Variants in GRIP1 observed in about 807,000 individuals in gnomAD.
GRIP1 encodes the protein glutamate receptor interacting protein 1.
Under a neutral mutation model 129.9 loss-of-function variants are expected in GRIP1, and 45 were observed. The observed-to-expected ratio is 0.35, with a 90% confidence interval of 0.27 to 0.44. GRIP1 has a LOEUF of 0.44. Ranked by LOEUF, GRIP1 falls within the 20% of genes least tolerant of loss-of-function variation. The pLI is 1.00. For missense variants in GRIP1, 1,196 were observed against 1,396.8 expected (o/e 0.86, Z 2.29); for synonymous variants, 530 against 520.8 (o/e 1.02, Z -0.24).
intron 1 of GRIP1, among the ~76,000 whole-genome samples, chr12:66,996,785 C>T (rs1039551879): frequency 6.6e-6 from 1 of 152,178 alleles, no homozygotes; most frequent in Non-Finnish European, 1.5e-5. Flanking sequence ...CCCCCTCACC[C>T]TTTCACTTAT....
rs375275696 is a variant in GRIP1, at chr12:66,702,431, A to C, written c.-419-72095T>G. On this transcript the variant is annotated intron_variant, in intron 1 of 4. Coordinates refer to the GRIP1 transcript ENST00000538373. ...GTTTTCAGTCAGTTTAAATACCTAG[A>C]GTTCTGCTTTCAAGGTAATAGTTTT... Among the ~76,000 whole-genome samples the C allele has an allele frequency of 3.3e-5, 5 of 152,274 alleles. 1 individual carries two copies. The highest frequency in any genetic ancestry group is 9.6e-5 in the African/African-American group (4 of 41,558).
chr12:66,818,493 T>C (rs936400605), intron 1 of GRIP1, among the ~76,000 whole-genome samples: 1 of 152,216 alleles, frequency 6.6e-6, no homozygotes, highest in Non-Finnish European at 1.5e-5. Flanking sequence ...ATTTGCCTGT[T>C]CATTCTTTCA....
At chr12:66,905,145 AT>A (rs1264070462) in intron 1 of GRIP1, among the ~76,000 whole-genome samples, 1 of 152,242 alleles carries the variant, frequency 6.6e-6, no homozygotes, top group Non-Finnish European at 1.5e-5. Context: ...ATTGTAATAT[AT>A]AAACAAATGG....
intron 1 of GRIP1, among the ~76,000 whole-genome samples, chr12:66,712,416 A>G (rs1412344514): frequency 2.0e-5 from 3 of 151,970 alleles, no homozygotes; most frequent in Non-Finnish European, 4.4e-5. Flanking sequence ...GTATGTTCAC[A>G]TGGCTCAGGT....
At chr12:66,760,811 T>C (rs2037451458) in intron 1 of GRIP1, among the ~76,000 whole-genome samples, 1 of 152,134 alleles carries the variant, frequency 6.6e-6, no homozygotes, top group Admixed American at 6.5e-5. Flanking sequence ...TCTGGAACTT[T>C]TCTCAGATCA....
At position 66,691,804 on chromosome 12, in the gene GRIP1, C is replaced by T. The variant is rs140302252; in HGVS notation, c.-419-61468G>A. On this transcript the variant is annotated intron_variant, in intron 1 of 4. Coordinates refer to the GRIP1 transcript ENST00000538373. ...ACTTGTTTGCGTAGGGAAATGCAGGCGCTTAATTGATCAAAAGGGACTCAC... is the reference window on the plus strand; with the variant it reads ...ACTTGTTTGCGTAGGGAAATGCAGGTGCTTAATTGATCAAAAGGGACTCAC... Among the ~76,000 whole-genome samples the T allele has an allele frequency of 4.5e-3, 680 of 152,114 alleles. 13 individuals carry two copies. In the South Asian group the frequency reaches 0.055, roughly 12 times the overall value.
chr12:66,811,199 T>C (rs866343038), intron 1 of GRIP1, among the ~76,000 whole-genome samples: 4 of 152,346 alleles, frequency 2.6e-5, no homozygotes, highest in Middle Eastern at 3.4e-3. Flanking sequence ...TTTTCTACTT[T>C]TTTTCTACCA....
chr12:67,025,606 T>C (rs12303031), intron 1 of GRIP1, among the ~76,000 whole-genome samples: 3,569 of 152,268 alleles, frequency 0.023, 135 homozygotes, highest in African/African-American at 0.081. Context: ...TTACCTTTAG[T>C]ATCTCCTCAT....
chr12:66,953,808 A>G (rs536552937), intron 1 of GRIP1, among the ~76,000 whole-genome samples: 2 of 152,272 alleles, frequency 1.3e-5, no homozygotes, highest in Non-Finnish European at 2.9e-5. Flanking sequence ...CAGCTACTAA[A>G]TGACAAGCCA....
intron 1 of GRIP1, among the ~76,000 whole-genome samples, chr12:66,620,565 A>T (rs536538293): frequency 4.3e-4 from 65 of 152,254 alleles, no homozygotes; most frequent in African/African-American, 1.5e-3. Flanking sequence ...AACAATAAAC[A>T]TGGCTAAGAA....
intron 1 of GRIP1, among the ~76,000 whole-genome samples, chr12:66,992,582 A>G (rs375028658): frequency 1.3e-5 from 2 of 152,200 alleles, no homozygotes; most frequent in African/African-American, 4.8e-5. Flanking sequence ...TATCTATAGA[A>G]CACTCTGCCC....
chr12:66,579,098 T>A (rs1257815683), intron 2 of GRIP1, among the ~76,000 whole-genome samples: 1 of 152,120 alleles, frequency 6.6e-6, no homozygotes, highest in African/African-American at 2.4e-5. Context: ...CATTCACGGT[T>A]CACGAAAAAC....
intron 7 of GRIP1, among the ~76,000 whole-genome samples, chr12:66,505,320 C>T (rs1369288276): frequency 6.6e-6 from 1 of 152,148 alleles, no homozygotes; most frequent in East Asian, 1.9e-4. Flanking sequence ...TTTCTAGGAA[C>T]AGCGAATGAT....
intron 2 of GRIP1, among the ~76,000 whole-genome samples, chr12:66,588,176 T>G (rs1458894015): frequency 6.6e-6 from 1 of 152,122 alleles, no homozygotes; most frequent in African/African-American, 2.4e-5. Context: ...TCAGAATAAG[T>G]AGTTAAAAGC....
Position 66,456,186 on chromosome 12 carries a change from C to A in GRIP1, c.1198+1G>T, listed in dbSNP as rs775927902. ...CAGGAGGAGAAAGCATGGAACATTA[C>A]GAGGGCTGTTTGGAGGAGGTGCTTT... On this transcript the variant is annotated splice_donor_variant, in intron 10 of 24. Transcript: ENST00000359742. LOFTEE classifies it high-confidence loss of function. 7.8e-7 allele frequency: 1 copy of A among 1,286,168 alleles called. No homozygotes were observed. Among genetic ancestry groups the A allele is most frequent in the African/African-American group, 1.5e-5 (1 of 65,856 alleles). 79.7% of individuals were successfully genotyped at this position (1,286,168 alleles called of 1,614,324 possible).
At chr12:66,877,355 T>A (rs1164491830) in intron 1 of GRIP1, among the ~76,000 whole-genome samples, 1 of 152,114 alleles carries the variant, frequency 6.6e-6, no homozygotes, top group African/African-American at 2.4e-5. Flanking sequence ...AATCCATGTA[T>A]GTTGATATTG....
At chr12:66,487,133 G>C (rs1049561587) in intron 7 of GRIP1, among the ~76,000 whole-genome samples, 4 of 152,100 alleles carry the variant, frequency 2.6e-5, no homozygotes, top group Admixed American at 2.6e-4. Flanking sequence ...CATAGTAACT[G>C]GGGGCACACT....
At chr12:66,877,131 G>A (rs753994885) in intron 1 of GRIP1, among the ~76,000 whole-genome samples, 3 of 151,890 alleles carry the variant, frequency 2.0e-5, no homozygotes, top group South Asian at 2.1e-4. Context: ...GGTCAATTAC[G>A]GCATCTGAGT....
intron 7 of GRIP1, among the ~76,000 whole-genome samples, chr12:66,511,493 T>C (rs977069624): frequency 3.9e-5 from 6 of 152,202 alleles, no homozygotes; most frequent in Non-Finnish European, 7.3e-5. Context: ...TCATCTACTT[T>C]GGGAAATTGC....
Sources: gnomAD v4.1 joint callset for allele counts (sites outside exome capture counted in the v4.1 genomes callset) on GRCh38, gnomAD v4.1.1 for gene constraint, MANE v1.5 for transcripts, NCBI Gene and HGNC (gene_info 2026-07-23, HGNC 2026-07-21) for gene names.